Variants in TAFA1 observed in about 807,000 individuals in gnomAD.
The protein encoded by TAFA1 is TAFA chemokine like family member 1.
TAFA1 carries 4 observed loss-of-function variants against 18.5 expected under a neutral mutation model. The observed-to-expected ratio is 0.22, with a 90% confidence interval of 0.11 to 0.49. The LOEUF (loss-of-function observed/expected upper bound fraction) is 0.49, where lower values mean the gene tolerates loss of function less well. TAFA1 is among the 20% of genes least tolerant of loss of function. The pLI is 0.98. For synonymous variants in TAFA1, 56 were observed against 55.2 expected, an observed-to-expected ratio of 1.01 and a Z score of -0.06; for missense variants, 147 against 169.0, an observed-to-expected ratio of 0.87 and a Z score of 0.72.
intron 2 of TAFA1, among the ~76,000 whole-genome samples, chr3:68,192,037 TC>T (rs2066348156): frequency 6.6e-6 from 1 of 151,894 alleles, no homozygotes; most frequent in Non-Finnish European, 1.5e-5. Context: ...CCCTTTCCTT[TC>T]TAAAGTCCCG....
chr3:68,073,020 TAGA>T (rs1256279906), intron 2 of TAFA1, among the ~76,000 whole-genome samples: 2 of 152,204 alleles, frequency 1.3e-5, no homozygotes, highest in Non-Finnish European at 2.9e-5. Flanking sequence ...CCTGGCTCAT[TAGA>T]AGGATTTCTG....
At chr3:68,498,712 C>G (rs921013145) in intron 3 of TAFA1, among the ~76,000 whole-genome samples, 12 of 125,048 alleles carry the variant, frequency 9.6e-5, no homozygotes, top group African/African-American at 3.2e-4. Context: ...CTCCCAAAGC[C>G]GTTTGGTGGC....
intron 2 of TAFA1, among the ~76,000 whole-genome samples, chr3:68,313,117 C>T (rs2068548998): frequency 1.3e-5 from 2 of 152,118 alleles, no homozygotes; most frequent in Admixed American, 1.3e-4. Flanking sequence ...CCACATGGTC[C>T]TCCCACAACA....
chr3:68,053,591 C>T (rs921336996), intron 2 of TAFA1, among the ~76,000 whole-genome samples: 2 of 152,088 alleles, frequency 1.3e-5, no homozygotes, highest in Non-Finnish European at 2.9e-5. Flanking sequence ...GATAACATTG[C>T]ATTTCACAGT....
At chr3:68,488,118 C>T (rs566047208) in intron 3 of TAFA1, among the ~76,000 whole-genome samples, 5 of 152,188 alleles carry the variant, frequency 3.3e-5, no homozygotes, top group South Asian at 2.1e-4. Flanking sequence ...TAGATGTATA[C>T]GTAAAGGGGA....
chr3:68,457,008 G>A (rs1383136836), intron 3 of TAFA1, among the ~76,000 whole-genome samples: 1 of 152,204 alleles, frequency 6.6e-6, no homozygotes, highest in Non-Finnish European at 1.5e-5. Flanking sequence ...GAAAAATTCA[G>A]AAGAACCATA....
intron 2 of TAFA1, among the ~76,000 whole-genome samples, chr3:68,052,773 A>G (rs2064486533): frequency 6.6e-6 from 1 of 152,224 alleles, no homozygotes; most frequent in South Asian, 2.1e-4. Flanking sequence ...GTCTAGTGTT[A>G]AAGGATAATT....
chr3:68,259,162 T>A (rs1253623747), intron 2 of TAFA1, among the ~76,000 whole-genome samples: 1 of 152,146 alleles, frequency 6.6e-6, no homozygotes, highest in African/African-American at 2.4e-5. Context: ...GCATTTTGAA[T>A]GGAAAGGTGC....
intron 2 of TAFA1, among the ~76,000 whole-genome samples, chr3:68,168,695 A>G (rs141005444): frequency 1.6e-4 from 24 of 152,316 alleles, no homozygotes; most frequent in African/African-American, 5.8e-4. Context: ...TTGCAAGTCT[A>G]TTTCTACACA....
intron 2 of TAFA1, among the ~76,000 whole-genome samples, chr3:68,027,861 A>G (rs1452777313): frequency 6.6e-6 from 1 of 152,212 alleles, no homozygotes; most frequent in Non-Finnish European, 1.5e-5. Flanking sequence ...ATTCCCAAAC[A>G]TGAATTGAGG....
chr3:68,036,072 T>G (rs1419368352), intron 2 of TAFA1, among the ~76,000 whole-genome samples: 2 of 152,134 alleles, frequency 1.3e-5, no homozygotes, highest in African/African-American at 4.8e-5. Flanking sequence ...ATGGAAATGC[T>G]CCACATATTG....
Position 68,155,474 on chromosome 3 carries a change from G to T in TAFA1, c.118+148730G>T, listed in dbSNP as rs533768545. Among the ~76,000 whole-genome samples the T allele has an allele frequency of 2.0e-5, 3 of 151,994 alleles. No individual in the cohort carries two copies. In the South Asian group the frequency reaches 6.2e-4, roughly 32 times the overall value. On this transcript the variant is annotated intron_variant, in intron 2 of 4. Transcript: ENST00000478136. ...GGTATGGAAGTTGAGTGAGGATATC[G>T]CCTGCCCCGTTATTTCAGATGGAGC... is the stretch of plus-strand genomic sequence containing the variant.
At chr3:68,289,640 T>C (rs2068074877) in intron 2 of TAFA1, among the ~76,000 whole-genome samples, 1 of 152,222 alleles carries the variant, frequency 6.6e-6, no homozygotes, top group Non-Finnish European at 1.5e-5. Context: ...GAAATGATTA[T>C]GGCTTGGATT....
chr3:68,513,137 C>T (rs1228610937), intron 3 of TAFA1, among the ~76,000 whole-genome samples: 1 of 152,134 alleles, frequency 6.6e-6, no homozygotes, highest in Non-Finnish European at 1.5e-5. Context: ...TTCCATTCCA[C>T]TTTTCATCCA....
chr3:68,313,402 C>T (rs1295774309), intron 2 of TAFA1, among the ~76,000 whole-genome samples: 1 of 151,898 alleles, frequency 6.6e-6, no homozygotes, highest in East Asian at 1.9e-4. Context: ...CTTGTCTATC[C>T]CATGTCCAAG....
At chr3:68,501,729 T>C (rs193187304) in intron 3 of TAFA1, among the ~76,000 whole-genome samples, 2 of 152,248 alleles carry the variant, frequency 1.3e-5, no homozygotes, top group East Asian at 1.9e-4. Flanking sequence ...TATTTGACCA[T>C]AGCCAAAAGG....
chr3:68,489,047 C>A (rs1247541942), intron 3 of TAFA1, among the ~76,000 whole-genome samples: 3 of 152,128 alleles, frequency 2.0e-5, no homozygotes, highest in Non-Finnish European at 4.4e-5. Context: ...TCATTTGGAA[C>A]ATAAGAAAAC....
chr3:68,067,067 G>A (rs553268330), intron 2 of TAFA1, among the ~76,000 whole-genome samples: 1 of 152,282 alleles, frequency 6.6e-6, no homozygotes, highest in South Asian at 2.1e-4. Flanking sequence ...TGGGTGACTG[G>A]CGTAGAGCCA....
At chr3:68,495,218 C>T (rs2072523806) in intron 3 of TAFA1, among the ~76,000 whole-genome samples, 1 of 152,156 alleles carries the variant, frequency 6.6e-6, no homozygotes, top group Non-Finnish European at 1.5e-5. Flanking sequence ...TTGGTGCTTC[C>T]AAACCCATTT....
Sources: gnomAD v4.1 joint callset for allele counts (sites outside exome capture counted in the v4.1 genomes callset) on GRCh38, gnomAD v4.1.1 for gene constraint, MANE v1.5 for transcripts, NCBI Gene and HGNC (gene_info 2026-07-23, HGNC 2026-07-21) for gene names.